The following TAFA1 variants were observed in gnomAD, a reference collection of about 807,000 sequenced individuals.
The protein encoded by TAFA1 is TAFA chemokine like family member 1.
A neutral mutation model predicts 18.5 loss-of-function variants in TAFA1; 4 were observed. The ratio of observed to expected loss-of-function variants is 0.22; its 90% CI spans 0.11 to 0.49. The LOEUF is 0.49. Ranked by LOEUF, TAFA1 falls within the 20% of genes least tolerant of loss-of-function variation. The pLI is 0.98. For synonymous variants in TAFA1, 56 were observed against 55.2 expected, an observed-to-expected ratio of 1.01 and a Z score of -0.06; for missense variants, 147 against 169.0, an observed-to-expected ratio of 0.87 and a Z score of 0.72.
At chr3:68,037,992 G>T (rs1705088051) in intron 2 of TAFA1, among the ~76,000 whole-genome samples, 1 of 152,128 alleles carries the variant, frequency 6.6e-6, no homozygotes, top group Non-Finnish European at 1.5e-5. Flanking sequence ...TCCATAGATT[G>T]CATAAAAGCC....
At chr3:68,169,549 A>T (rs938770796) in intron 2 of TAFA1, among the ~76,000 whole-genome samples, 27 of 151,370 alleles carry the variant, frequency 1.8e-4, no homozygotes, top group African/African-American at 6.4e-4. Context: ...CTAACAAATG[A>T]TAATCATTGC....
At chr3:68,402,255 A>C (rs1037447451) in intron 2 of TAFA1, among the ~76,000 whole-genome samples, 1 of 152,088 alleles carries the variant, frequency 6.6e-6, no homozygotes, top group Non-Finnish European at 1.5e-5. Flanking sequence ...TGTCTCTGTT[A>C]TTGCTGACAT....
chr3:68,062,017 CAT>C (rs959989682), intron 2 of TAFA1, among the ~76,000 whole-genome samples: 9 of 150,258 alleles, frequency 6.0e-5, no homozygotes, highest in African/African-American at 2.2e-4. Flanking sequence ...TTCCAAAAAA[CAT>C]ATACTAGACA....
In TAFA1 at chr3:68,359,973, T is replaced by A. The variant is rs148581140; in HGVS notation, c.119-57307T>A. 5.2e-3 allele frequency among the ~76,000 whole-genome samples: 794 copies of A among 152,128 alleles called. 3 individuals are homozygous for A. The highest frequency in any genetic ancestry group is 7.9e-3 in the Non-Finnish European group (536 of 67,942). ...GTGTGCTCCCTTATAAGATATTATA[T>A]GAAGTGGGGTCATGGGTTCACCATT... On this transcript the variant is annotated intron_variant, in intron 2 of 4. Transcript: ENST00000478136.
At chr3:68,525,013 C>T (rs1478975594) in intron 3 of TAFA1, among the ~76,000 whole-genome samples, 2 of 152,078 alleles carry the variant, frequency 1.3e-5, no homozygotes, top group African/African-American at 2.4e-5. Flanking sequence ...GTGTTCCACT[C>T]GACTTTCAAT....
At chr3:68,151,973 A>C (rs905940358) in intron 2 of TAFA1, among the ~76,000 whole-genome samples, 1 of 152,194 alleles carries the variant, frequency 6.6e-6, no homozygotes, top group African/African-American at 2.4e-5. Flanking sequence ...CATTTAATGG[A>C]GTTTTACTAC....
At chr3:68,354,905 C>G (rs2069334078) in intron 2 of TAFA1, among the ~76,000 whole-genome samples, 1 of 151,976 alleles carries the variant, frequency 6.6e-6, no homozygotes, top group Non-Finnish European at 1.5e-5. Flanking sequence ...TAATTGCCTC[C>G]TAAAGGCCTC....
At chr3:68,409,939 A>C (rs75857186) in intron 2 of TAFA1, among the ~76,000 whole-genome samples, 3,842 of 152,236 alleles carry the variant, frequency 0.025, 75 homozygotes, top group East Asian at 0.093. Context: ...AATTGTCACC[A>C]GTGGGGACCC....
intron 2 of TAFA1, among the ~76,000 whole-genome samples, chr3:68,180,372 G>T (rs2066182050): frequency 6.6e-6 from 1 of 151,972 alleles, no homozygotes; most frequent in African/African-American, 2.4e-5. Flanking sequence ...CTCATGTTGA[G>T]CTGGGTTTTC....
At chr3:68,330,451 C>T (rs1483525503) in intron 2 of TAFA1, among the ~76,000 whole-genome samples, 3 of 152,152 alleles carry the variant, frequency 2.0e-5, no homozygotes, top group African/African-American at 7.2e-5. Flanking sequence ...AGAGCTATAC[C>T]AGGTCCCCTT....
chr3:68,444,295 A>C (rs1287519487), intron 3 of TAFA1, among the ~76,000 whole-genome samples: 1 of 152,168 alleles, frequency 6.6e-6, no homozygotes, highest in African/African-American at 2.4e-5. Flanking sequence ...GACAGTCCCT[A>C]GTCTTTCTTT....
At chr3:68,394,798 T>G (rs1312059841) in intron 2 of TAFA1, among the ~76,000 whole-genome samples, 1 of 152,012 alleles carries the variant, frequency 6.6e-6, no homozygotes. Context: ...AAAAAATAAC[T>G]CAAGGTAGAT....
At chr3:68,338,229 G>A (rs758183693) in intron 2 of TAFA1, among the ~76,000 whole-genome samples, 5 of 152,040 alleles carry the variant, frequency 3.3e-5, no homozygotes, top group African/African-American at 4.8e-5. Context: ...TTTTTGATAC[G>A]GTCAGTGCTT....
intron 2 of TAFA1, among the ~76,000 whole-genome samples, chr3:68,061,120 G>A (rs2064596989): frequency 6.6e-6 from 1 of 152,156 alleles, no homozygotes; most frequent in Non-Finnish European, 1.5e-5. Flanking sequence ...AGCAGCCAAT[G>A]AGAATACTGT....
chr3:68,476,591 GT>G (rs1160318101), intron 3 of TAFA1, among the ~76,000 whole-genome samples: 2 of 152,134 alleles, frequency 1.3e-5, no homozygotes, highest in Non-Finnish European at 2.9e-5. Context: ...CATTTTTCAA[GT>G]TGACTTAAGG....
chr3:68,252,025 A>T (rs1354600441), intron 2 of TAFA1, among the ~76,000 whole-genome samples: 1 of 152,196 alleles, frequency 6.6e-6, no homozygotes. Context: ...CACTCAACAG[A>T]TAATTCCATG....
In TAFA1 at chr3:68,452,770, A is replaced by G. The variant is rs143610149; in HGVS notation, c.259+35350A>G. On this transcript the variant is annotated intron_variant, in intron 3 of 4. Transcript: ENST00000478136. Reference sequence around the variant, plus strand: ...CATTTGTGTTGTTTTCTAGATATTGAACATGCCCATTTAACATATTTAATG... The same window carrying G: ...CATTTGTGTTGTTTTCTAGATATTGGACATGCCCATTTAACATATTTAATG... Among the ~76,000 whole-genome samples the G allele has an allele frequency of 3.1e-3, 477 of 152,298 alleles. 4 individuals are homozygous for G. Among genetic ancestry groups the G allele is most frequent in the African/African-American group, 0.011 (447 of 41,562 alleles).
chr3:68,488,083 C>T (rs1467740691), intron 3 of TAFA1, among the ~76,000 whole-genome samples: 2 of 152,108 alleles, frequency 1.3e-5, no homozygotes, highest in African/African-American at 4.8e-5. Context: ...AGCCAGGGTT[C>T]TCTAGAAGGA....
At chr3:68,158,643 G>A (rs1196116788) in intron 2 of TAFA1, among the ~76,000 whole-genome samples, 2 of 152,122 alleles carry the variant, frequency 1.3e-5, no homozygotes, top group African/African-American at 4.8e-5. Context: ...CATGACCTGT[G>A]CAGAATACAT....
Sources: allele counts gnomAD v4.1 joint callset (sites outside exome capture counted in the v4.1 genomes callset), GRCh38; gene constraint gnomAD v4.1.1; transcripts MANE v1.5; gene names NCBI Gene and HGNC (gene_info 2026-07-23, HGNC 2026-07-21).